ROBO2: variants seen among roughly 807,000 people sequenced by gnomAD.
The protein encoded by ROBO2 is roundabout homolog 2.
Under a neutral mutation model 160.8 loss-of-function variants are expected in ROBO2, and 53 were observed. The ratio of observed to expected loss-of-function variants is 0.33; its 90% CI spans 0.26 to 0.41. The LOEUF (loss-of-function observed/expected upper bound fraction) is 0.41, where lower values mean the gene tolerates loss of function less well. Ranked by LOEUF, ROBO2 falls within the 10% of genes least tolerant of loss-of-function variation. The pLI is 1.00. For synonymous variants in ROBO2, 664 were observed against 611.7 expected (o/e 1.09, Z -1.26); for missense variants, 1,577 against 1,722.4 (o/e 0.92, Z 1.49).
At chr3:76,420,338 CTT>C (rs1486295438) in intron 2 of ROBO2, among the ~76,000 whole-genome samples, 2 of 152,096 alleles carry the variant, frequency 1.3e-5, no homozygotes, top group Non-Finnish European at 2.9e-5. Context: ...AGAATACAGT[CTT>C]TATCAGTTTT....
At chr3:76,951,245 T>C (rs1029333862) in intron 2 of ROBO2, among the ~76,000 whole-genome samples, 11 of 152,232 alleles carry the variant, frequency 7.2e-5, no homozygotes, top group Admixed American at 3.3e-4. Context: ...TAAGAACTAA[T>C]GTTTGCTCCT....
chr3:76,635,339 T>C (rs1186791663), intron 2 of ROBO2, among the ~76,000 whole-genome samples: 1 of 152,164 alleles, frequency 6.6e-6, no homozygotes, highest in Non-Finnish European at 1.5e-5. Context: ...TAGCTAGAGA[T>C]TTTGTTGCAT....
At chr3:77,463,850 T>C (rs566562023) in intron 2 of ROBO2, among the ~76,000 whole-genome samples, 3 of 152,262 alleles carry the variant, frequency 2.0e-5, no homozygotes, top group South Asian at 2.1e-4. Flanking sequence ...GTCAAAGTGC[T>C]GGGATTATAG....
At chr3:77,046,572 AT>A (rs1649009703) in intron 1 of ROBO2, among the ~76,000 whole-genome samples, 1 of 152,152 alleles carries the variant, frequency 6.6e-6, no homozygotes, top group Admixed American at 6.5e-5. Context: ...AAGCTTAGAG[AT>A]TTTATGTGCC....
intron 2 of ROBO2, among the ~76,000 whole-genome samples, chr3:76,465,534 G>A (rs1009322411): frequency 2.6e-5 from 4 of 151,960 alleles, no homozygotes; most frequent in Non-Finnish European, 5.9e-5. Context: ...TGGATGATAA[G>A]AAGAAATTAT....
intron 2 of ROBO2, among the ~76,000 whole-genome samples, chr3:76,807,461 A>T (rs2064819400): frequency 6.6e-6 from 1 of 152,100 alleles, no homozygotes; most frequent in Non-Finnish European, 1.5e-5. Flanking sequence ...CCTCCTGCAG[A>T]CATGTTCATT....
intron 2 of ROBO2, among the ~76,000 whole-genome samples, chr3:77,291,105 A>C (rs1403928283): frequency 6.7e-6 from 1 of 149,746 alleles, no homozygotes; most frequent in Non-Finnish European, 1.5e-5. Context: ...TAAACGGGTA[A>C]GCTGAGGCTA....
chr3:77,201,005 C>A (rs1369945240), intron 2 of ROBO2, among the ~76,000 whole-genome samples: 2 of 152,158 alleles, frequency 1.3e-5, no homozygotes, highest in Admixed American at 6.5e-5. Flanking sequence ...TCTGTCATTG[C>A]TCCTGTTCTT....
chr3:76,614,489 T>C (rs1295599858), intron 2 of ROBO2, among the ~76,000 whole-genome samples: 1 of 152,058 alleles, frequency 6.6e-6, no homozygotes, highest in Admixed American at 6.5e-5. Context: ...AGACAAACCA[T>C]TGTTCTCTGT....
At chr3:77,236,774 A>G (rs964630720) in intron 2 of ROBO2, among the ~76,000 whole-genome samples, 2 of 152,226 alleles carry the variant, frequency 1.3e-5, no homozygotes, top group East Asian at 1.9e-4. Context: ...CTTTTCCACA[A>G]TGTCAGACAG....
At chr3:76,578,521 A>G (rs113380578) in intron 2 of ROBO2, among the ~76,000 whole-genome samples, 1 of 152,030 alleles carries the variant, frequency 6.6e-6, no homozygotes, top group African/African-American at 2.4e-5. Context: ...TGTCATGCCA[A>G]TGGACTCTTC....
At chr3:76,712,287 A>G (rs2093309641) in intron 2 of ROBO2, among the ~76,000 whole-genome samples, 1 of 145,100 alleles carries the variant, frequency 6.9e-6, no homozygotes, top group South Asian at 2.3e-4. Context: ...TCTTTTTACC[A>G]GGTGTGTTTT....
At chr3:77,458,045 C>T (rs2081865727) in intron 2 of ROBO2, among the ~76,000 whole-genome samples, 1 of 151,990 alleles carries the variant, frequency 6.6e-6, no homozygotes, top group African/African-American at 2.4e-5. Flanking sequence ...GTGCTAAATG[C>T]CAAAAAACTA....
chr3:76,617,380 G>A (rs547639134), intron 2 of ROBO2, among the ~76,000 whole-genome samples: 67 of 152,074 alleles, frequency 4.4e-4, no homozygotes, highest in South Asian at 2.7e-3. Context: ...ATTTTTTATC[G>A]TATGAAACTT....
intron 2 of ROBO2, among the ~76,000 whole-genome samples, chr3:76,498,677 T>A (rs2080291764): frequency 6.9e-6 from 1 of 145,530 alleles, no homozygotes; most frequent in Admixed American, 7.1e-5. Flanking sequence ...CTTCTTAGTT[T>A]GTCTGCTTTT....
At chr3:77,103,407 C>CTTT (rs11409908) in intron 2 of ROBO2, among the ~76,000 whole-genome samples, 6 of 146,702 alleles carry the variant, frequency 4.1e-5, no homozygotes, top group Admixed American at 6.8e-5. Context: ...AGAAACCAAT[C>CTTT]TTTTTTTTTT....
At chr3:76,880,365 G>T (rs1412004037) in intron 2 of ROBO2, among the ~76,000 whole-genome samples, 1 of 152,028 alleles carries the variant, frequency 6.6e-6, no homozygotes, top group Non-Finnish European at 1.5e-5. Flanking sequence ...ATAAAATAAA[G>T]ATTAAAAGAT....
In ROBO2 at chr3:77,409,103, G is replaced by GTATATATATA. The variant is rs57350639; in HGVS notation, c.389-68300_389-68291dup. 5.6e-4 allele frequency among the ~76,000 whole-genome samples: 72 copies of GTATATATATA among 129,640 alleles called. No individual in the cohort carries two copies. In the Middle Eastern group the frequency reaches 0.017, roughly 31 times the overall value. 85.0% of individuals were successfully genotyped at this position (129,640 alleles called of 152,430 possible). A position where few individuals can be genotyped will look rare whatever the true frequency, so the allele number is the denominator to read the frequency against. The stretch of plus-strand genomic sequence containing the variant: ...TCTTGAAATACATACATATATATAT[G>GTATATATATA]TATATATATATATATATATAGTCTT... On this transcript the variant is annotated intron_variant, in intron 2 of 25. Transcript: ENST00000461745.
intron 21 of ROBO2, among the ~76,000 whole-genome samples, chr3:77,609,892 A>T (rs2094594415): frequency 6.7e-6 from 1 of 150,048 alleles, no homozygotes; most frequent in South Asian, 2.1e-4. Context: ...AAAAGAAGTT[A>T]TCATTCTTAC....
Sources: gnomAD v4.1 joint callset for allele counts (sites outside exome capture counted in the v4.1 genomes callset) on GRCh38, gnomAD v4.1.1 for gene constraint, MANE v1.5 for transcripts, NCBI Gene and HGNC (gene_info 2026-07-23, HGNC 2026-07-21) for gene names.